NBEA: variants seen among roughly 807,000 people sequenced by gnomAD.
The protein encoded by NBEA is lysosomal-trafficking regulator 2.
Under a neutral mutation model 343.4 loss-of-function variants are expected in NBEA, and 44 were observed. That is an observed-to-expected ratio of 0.13 (90% CI 0.10 to 0.16). The LOEUF is 0.16. Among genes scored for constraint, NBEA ranks in the 10% least tolerant of loss-of-function variants. The pLI, the probability that NBEA is intolerant of heterozygous loss-of-function variation, is 1.00. For missense variants in NBEA, 2,555 were observed against 3,631.3 expected (o/e 0.70, Z 7.62); for synonymous variants, 1,175 against 1,238.7 (o/e 0.95, Z 1.08).
At chr13:35,156,288 CTT>C in intron 20 of NBEA, 82 bp downstream of exon 20, 1 of 1,339,862 alleles carries the variant, frequency 7.5e-7, no homozygotes, top group Non-Finnish European at 9.9e-7. Context: ...CATTTCAAAT[CTT>C]TTCCATATTG....
At chr13:35,449,584 T>C (rs781019932) in intron 39 of NBEA, among the ~76,000 whole-genome samples, 10 of 152,218 alleles carry the variant, frequency 6.6e-5, no homozygotes, top group Non-Finnish European at 1.0e-4. Flanking sequence ...TCTCAAATGA[T>C]GCAAGCTCTA....
chr13:35,208,588 T>C (rs1330177045), intron 31 of NBEA, 112 bp from the exon 32 acceptor site: 1 of 990,398 alleles, frequency 1.0e-6, no homozygotes, highest in Non-Finnish European at 1.4e-6. Flanking sequence ...TTTTTTTTAA[T>C]TAAAAGAAGA....
chr13:35,410,396 A>C (rs1172869011), intron 38 of NBEA, among the ~76,000 whole-genome samples: 2 of 152,180 alleles, frequency 1.3e-5, no homozygotes, highest in Non-Finnish European at 2.9e-5. Flanking sequence ...AATTGATATA[A>C]TAACCAGATA....
intron 40 of NBEA, among the ~76,000 whole-genome samples, chr13:35,465,684 A>G (rs2075359582): frequency 6.6e-6 from 1 of 152,204 alleles, no homozygotes; most frequent in Non-Finnish European, 1.5e-5. Flanking sequence ...AAATTTTCAC[A>G]CTGAACATTG....
chr13:35,235,559 C>T (rs1410870590), intron 34 of NBEA, among the ~76,000 whole-genome samples: 1 of 152,046 alleles, frequency 6.6e-6, no homozygotes, highest in East Asian at 1.9e-4. Flanking sequence ...GTTTTCTAGC[C>T]GCCAGAGCAA....
chr13:34,959,136 G>T (rs926957713), intron 1 of NBEA, among the ~76,000 whole-genome samples: 2 of 152,042 alleles, frequency 1.3e-5, no homozygotes, highest in African/African-American at 2.4e-5. Context: ...ATTATGAAGT[G>T]CTATGTTTAT....
At chr13:35,550,340 A>C in intron 41 of NBEA, 137 bp from the exon 42 acceptor site, 1 of 548,760 alleles carries the variant, frequency 1.8e-6, no homozygotes, top group East Asian at 3.1e-5. Context: ...GCAAATACAC[A>C]GTATCAAATT....
At chr13:35,493,848 C>T (rs1426766357) in intron 41 of NBEA, among the ~76,000 whole-genome samples, 1 of 151,762 alleles carries the variant, frequency 6.6e-6, no homozygotes, top group Non-Finnish European at 1.5e-5. Flanking sequence ...TGTATCTCGT[C>T]ATGTGCAACA....
intron 49 of NBEA, among the ~76,000 whole-genome samples, chr13:35,644,888 C>A (rs369624807): frequency 1.3e-5 from 2 of 152,184 alleles, no homozygotes; most frequent in East Asian, 1.9e-4. Context: ...AGACACCATG[C>A]AAATAAATGT....
chr13:35,350,049 G>T (rs146621208), intron 37 of NBEA, among the ~76,000 whole-genome samples: 1 of 152,056 alleles, frequency 6.6e-6, no homozygotes, highest in African/African-American at 2.4e-5. Context: ...TTTAAACTTC[G>T]ATAAAAGTAT....
At chr13:35,146,527 C>A (rs916551405) in intron 18 of NBEA, among the ~76,000 whole-genome samples, 2 of 152,160 alleles carry the variant, frequency 1.3e-5, no homozygotes, top group Non-Finnish European at 2.9e-5. Flanking sequence ...TCCTTCTCTC[C>A]CTTTGGAGCT....
chr13:35,631,066 C>G (rs1462056759), intron 49 of NBEA, among the ~76,000 whole-genome samples: 1 of 152,172 alleles, frequency 6.6e-6, no homozygotes, highest in Non-Finnish European at 1.5e-5. Context: ...ATAGTGTCCT[C>G]CAAAGGACGA....
chr13:35,550,726 T>C (rs2079279331), intron 42 of NBEA, 132 bp downstream of exon 42: 8 of 692,394 alleles, frequency 1.2e-5, no homozygotes, highest in Middle Eastern at 3.3e-4. Context: ...AGAAATTCTT[T>C]TTAAAAAATA....
chr13:35,654,768 G>A (rs1397585312), intron 53 of NBEA, 87 bp from the exon 54 acceptor site: 5 of 1,000,844 alleles, frequency 5.0e-6, no homozygotes, highest in Non-Finnish European at 1.4e-6. Context: ...GATAAATGAA[G>A]CATGAAAGTA....
chr13:35,348,926 A>C (rs1224415587), intron 36 of NBEA, among the ~76,000 whole-genome samples, 182 bp from the exon 37 acceptor site: 3 of 152,098 alleles, frequency 2.0e-5, no homozygotes, highest in Non-Finnish European at 4.4e-5. Flanking sequence ...TTGGTGCAAC[A>C]GTTTTATGAC....
intron 41 of NBEA, among the ~76,000 whole-genome samples, chr13:35,473,287 C>G (rs1049447112): frequency 3.9e-5 from 6 of 152,074 alleles, no homozygotes; most frequent in Non-Finnish European, 7.4e-5. Flanking sequence ...AACTTCTATT[C>G]TGGGGTTAAG....
At chr13:35,085,563 G>A (rs560936576) in intron 10 of NBEA, among the ~76,000 whole-genome samples, 11 of 152,156 alleles carry the variant, frequency 7.2e-5, no homozygotes, top group Admixed American at 5.2e-4. Context: ...TAATAAATTA[G>A]GTAATGATGG....
At chr13:34,981,948 C>T (rs963568377) in intron 1 of NBEA, among the ~76,000 whole-genome samples, 3 of 150,530 alleles carry the variant, frequency 2.0e-5, no homozygotes, top group Admixed American at 6.6e-5. Flanking sequence ...AATTTATGTT[C>T]TCTCTTCTCT....
intron 40 of NBEA, among the ~76,000 whole-genome samples, chr13:35,466,438 A>G (rs1231993519): frequency 1.3e-5 from 2 of 152,152 alleles, no homozygotes; most frequent in East Asian, 1.9e-4. Context: ...ATTGTATTCT[A>G]TGAGTTGTTA....
Sources: gnomAD v4.1 joint callset for allele counts (sites outside exome capture counted in the v4.1 genomes callset) on GRCh38, gnomAD v4.1.1 for gene constraint, MANE v1.5 for transcripts, NCBI Gene and HGNC (gene_info 2026-07-23, HGNC 2026-07-21) for gene names.